Variants in CCL17 observed in about 807,000 individuals in gnomAD.
CCL17 encodes the protein C-C motif chemokine ligand 17, also known as C-C motif chemokine 17.
A neutral mutation model predicts 7.4 loss-of-function variants in CCL17; 8 were observed. The observed-to-expected ratio is 1.09, with a 90% CI of 0.64 to 1.96. The LOEUF is 1.96. Among genes scored for constraint, CCL17 ranks in the 30% most tolerant of loss-of-function variants. The pLI is 0.00. For missense variants in CCL17, 102 were observed against 113.0 expected (o/e 0.90, Z 0.44); for synonymous variants, 40 against 46.1 (o/e 0.87, Z 0.54).
upstream of CCL17, among the ~76,000 whole-genome samples, chr16:57,401,842 GC>G (rs1352371775): frequency 6.6e-6 from 1 of 152,106 alleles, no homozygotes; most frequent in South Asian, 2.1e-4. Context: ...GGCTGAAGCT[GC>G]CCCCCGGGGA....
At chr16:57,408,537 GAGT>G (rs1902734147) in intron 1 of CCL17, among the ~76,000 whole-genome samples, 1 of 151,932 alleles carries the variant, frequency 6.6e-6, no homozygotes, top group Non-Finnish European at 1.5e-5. Flanking sequence ...TCGGCCTCCA[GAGT>G]AGCTGGGACA....
In CCL17 at chr16:57,413,854, C is replaced by A; in HGVS notation, c.-59-20C>A. 7.7e-7 allele frequency: 1 copy of A among 1,304,350 alleles called. No homozygotes were observed. The highest frequency in any genetic ancestry group is 1.1e-6 in the Non-Finnish European group (1 of 939,384). 80.8% of individuals were successfully genotyped at this position (1,304,350 alleles called of 1,614,324 possible). ...CCCAAAGAGGTTAAATAGGTCACTG[C>A]CACCCTCGACTCTCAGCAGGGTGTC... On this transcript the variant is annotated intron_variant, in intron 1 of 3. Coordinates refer to ENST00000219244, the MANE Select transcript of CCL17 (RefSeq NM_002987.3).
intron 1 of CCL17, among the ~76,000 whole-genome samples, chr16:57,412,858 G>A (rs1352963610): frequency 4.6e-5 from 7 of 152,236 alleles, no homozygotes; most frequent in Non-Finnish European, 1.0e-4. Flanking sequence ...TGACCCGCAT[G>A]CAGTGATGCT....
chr16:57,412,762 T>C (rs1276665432), intron 1 of CCL17, among the ~76,000 whole-genome samples: 1 of 152,092 alleles, frequency 6.6e-6, no homozygotes, highest in Non-Finnish European at 1.5e-5. Flanking sequence ...GCCATGGGAC[T>C]CTCATCCTAC....
chr16:57,406,750 C>A (rs1432411167), intron 1 of CCL17, among the ~76,000 whole-genome samples: 1 of 152,100 alleles, frequency 6.6e-6, no homozygotes, highest in Non-Finnish European at 1.5e-5. Flanking sequence ...CCAGGTCATA[C>A]CATGAGGGAG....
chr16:57,404,176 G>A (rs1902661866), upstream of CCL17, among the ~76,000 whole-genome samples: 1 of 152,110 alleles, frequency 6.6e-6, no homozygotes, highest in Non-Finnish European at 1.5e-5. Context: ...GCGGGGCCTC[G>A]TGGCTGCTGG....
chr16:57,412,015 G>T (rs1300663402), intron 1 of CCL17, among the ~76,000 whole-genome samples: 2 of 152,252 alleles, frequency 1.3e-5, no homozygotes. Flanking sequence ...TCTGGACTGT[G>T]GCTTGAGGAG....
At chr16:57,406,527 A>G (rs889830170) in intron 1 of CCL17, among the ~76,000 whole-genome samples, 1 of 152,118 alleles carries the variant, frequency 6.6e-6, no homozygotes, top group African/African-American at 2.4e-5. Flanking sequence ...TTAACTGCTG[A>G]GATTCCCCTG....
the CCL17 span, among the ~76,000 whole-genome samples, chr16:57,397,468 G>A: frequency 6.6e-6 from 1 of 152,170 alleles, no homozygotes; most frequent in Non-Finnish European, 1.5e-5. Context: ...CCATACCAAG[G>A]GTCCTTCTCT....
upstream of CCL17, among the ~76,000 whole-genome samples, chr16:57,402,496 C>T (rs1690485559): frequency 6.6e-6 from 1 of 152,142 alleles, no homozygotes; most frequent in Non-Finnish European, 1.5e-5. Flanking sequence ...GGCTGCCAGA[C>T]TAGGAGCAGA....
chr16:57,400,036 C>T (rs1243576304), upstream of CCL17, among the ~76,000 whole-genome samples: 1 of 152,158 alleles, frequency 6.6e-6, no homozygotes, highest in Non-Finnish European at 1.5e-5. Flanking sequence ...GGAGTTTATA[C>T]AGCAGAGAAG....
chr16:57,401,536 A>G (rs1258363975), upstream of CCL17, among the ~76,000 whole-genome samples: 3 of 152,038 alleles, frequency 2.0e-5, no homozygotes, highest in Admixed American at 6.6e-5. Context: ...AAAAAAAAAA[A>G]AAAGAAAAAA....
chr16:57,403,587 TATATATTTATAATATATATA>T (rs1902646885), upstream of CCL17, among the ~76,000 whole-genome samples: 18 of 63,540 alleles, frequency 2.8e-4, no homozygotes, highest in Admixed American at 2.9e-4. Flanking sequence ...ATATATATAA[TATATATTTATAATATATATA>T]ATATATATTT....
chr16:57,415,670 C>T lies in CCL17; in HGVS notation c.189-95C>T, dbSNP rs1902856980. The T allele has an allele frequency of 1.8e-5, 14 of 775,334 alleles. No homozygotes were observed. The East Asian group carries it at 3.0e-4, about 17-fold the overall frequency. The allele number at this position is 775,334 out of a possible 1,614,324, so 48.0% of individuals were successfully genotyped here. ...CAGCAACTTCCTGCCCCTCTTGGAG[C>T]CTTGGAATCCTGGTCAGCACAGGGC... On this transcript the variant is annotated intron_variant, in intron 3 of 3. Coordinates refer to ENST00000219244, the MANE Select transcript of CCL17 (RefSeq NM_002987.3). The surrounding 1 kb of genome is among the most constrained non-coding windows in gnomAD (Gnocchi z 4.5).
chr16:57,413,723 C>T, intron 1 of CCL17, 151 bp from the exon 2 acceptor site: 1 of 470,000 alleles, frequency 2.1e-6, no homozygotes, highest in Non-Finnish European at 3.9e-6. Flanking sequence ...TCTGGAAATC[C>T]ACAAACATTC....
At chr16:57,409,308 G>C (rs960373496) in intron 1 of CCL17, among the ~76,000 whole-genome samples, 2 of 152,200 alleles carry the variant, frequency 1.3e-5, no homozygotes, top group Admixed American at 6.5e-5. Flanking sequence ...TTGTACGAAG[G>C]CTTGGGCATC....
chr16:57,415,301 G>A lies in CCL17; in HGVS notation c.188+103G>A, dbSNP rs1598014932. On this transcript the variant is annotated intron_variant, in intron 3 of 3. Coordinates refer to ENST00000219244, the MANE Select transcript of CCL17 (RefSeq NM_002987.3). This position sits in a 1 kb window ranked among gnomAD's most constrained non-coding sequence, Gnocchi z 4.5. ...CAATGGGGAGCAGGGAAGAGACAGC[G>A]GGGCCTTCCTCCCCAACCCCTGCAG... The A allele has an allele frequency of 2.0e-5, 16 of 796,604 alleles. No individual in the cohort carries two copies. Among genetic ancestry groups the A allele is most frequent in the Admixed American group, 9.1e-5 (5 of 54,646 alleles). 49.3% of individuals were successfully genotyped at this position (796,604 alleles called of 1,614,324 possible).
the CCL17 span, among the ~76,000 whole-genome samples, chr16:57,399,046 C>G: frequency 3.9e-5 from 6 of 152,220 alleles, no homozygotes. Flanking sequence ...GTGAACAATT[C>G]TGCTTCCTCT....
chr16:57,407,425 G>A (rs376833184), intron 1 of CCL17, among the ~76,000 whole-genome samples: 1 of 152,216 alleles, frequency 6.6e-6, no homozygotes, highest in East Asian at 1.9e-4. Context: ...TGTGTCTCAT[G>A]AAATGATGGT....
Sources: gnomAD v4.1 joint callset for allele counts (sites outside exome capture counted in the v4.1 genomes callset) on GRCh38, gnomAD v4.1.1 for gene constraint, Gnocchi (gnomAD v3.1) non-coding constraint, MANE v1.5 for transcripts, NCBI Gene and HGNC (gene_info 2026-07-23, HGNC 2026-07-21) for gene names.